SLC1A2: variants seen among roughly 807,000 people sequenced by gnomAD.
SLC1A2 encodes the protein excitatory amino acid transporter 2.
A neutral mutation model predicts 48.8 loss-of-function variants in SLC1A2; 15 were observed. That is an observed-to-expected ratio of 0.31 (90% CI 0.21 to 0.47). The LOEUF (loss-of-function observed/expected upper bound fraction) is 0.47, where lower values mean the gene tolerates loss of function less well. SLC1A2 is among the 20% of genes least tolerant of loss of function. SLC1A2 has a pLI of 0.99. For synonymous variants in SLC1A2, 279 were observed against 272.6 expected (o/e 1.02, Z -0.23); for missense variants, 502 against 730.5 (o/e 0.69, Z 3.61).
At position 35,255,575 on chromosome 11, in the gene SLC1A2, C is replaced by T. The variant is rs1950304175; in HGVS notation, c.*5319G>A. Reference sequence around the variant, plus strand: ...TCAAAAGAGTGATCAAGGTTATTCACCAAAGGCTCTCAAATTCCCATACTG... The same window carrying T: ...TCAAAAGAGTGATCAAGGTTATTCATCAAAGGCTCTCAAATTCCCATACTG... On this transcript the variant is annotated 3_prime_UTR_variant, in exon 11 of 11. Coordinates refer to ENST00000278379, the MANE Select transcript of SLC1A2 (RefSeq NM_004171.4). 2 of 152,194 alleles carry T rather than the reference C, an allele frequency of 1.3e-5. No homozygotes were observed. Among genetic ancestry groups the T allele is most frequent in the African/African-American group, 4.8e-5 (2 of 41,450 alleles). 9.4% of individuals were successfully genotyped at this position (152,194 alleles called of 1,614,324 possible).
intron 9 of SLC1A2, chr11:35,280,444 T>A (rs1732202740): frequency 6.5e-6 from 1 of 154,142 alleles, no homozygotes; most frequent in Non-Finnish European, 1.4e-5. Flanking sequence ...ATTACAGGCA[T>A]GAGCCACCGC....
chr11:35,354,387 G>A (rs970940434), intron 1 of SLC1A2, among the ~76,000 whole-genome samples: 1 of 152,124 alleles, frequency 6.6e-6, no homozygotes, highest in African/African-American at 2.4e-5. Flanking sequence ...TTGAAGCCTA[G>A]GAGTTCCAGG....
At chr11:35,324,514 A>G (rs1169642358) in intron 1 of SLC1A2, among the ~76,000 whole-genome samples, 1 of 152,218 alleles carries the variant, frequency 6.6e-6, no homozygotes, top group Admixed American at 6.5e-5. Flanking sequence ...GTAGATACTC[A>G]ATTTTAATAT....
At chr11:35,281,437 A>G (rs1850630916) in intron 8 of SLC1A2, among the ~76,000 whole-genome samples, 1 of 152,212 alleles carries the variant, frequency 6.6e-6, no homozygotes, top group Non-Finnish European at 1.5e-5. Flanking sequence ...CTATGTGGCA[A>G]GGGTCTAAGA....
Position 35,254,225 on chromosome 11 carries a change from G to GT in SLC1A2, c.*6668dup, listed in dbSNP as rs944076773. On this transcript the variant is annotated 3_prime_UTR_variant, in exon 11 of 11. Coordinates refer to ENST00000278379, the MANE Select transcript of SLC1A2 (RefSeq NM_004171.4). ...AATATACAAAATCCTCAAAAAAGTA[G>GT]TTTTTTTATATACAAATCTCTATAG... 2.3e-4 allele frequency: 35 copies of GT among 152,666 alleles called. No homozygotes were observed. Among genetic ancestry groups the GT allele is most frequent in the African/African-American group, 7.0e-4 (29 of 41,540 alleles). The allele number at this position is 152,666 out of a possible 1,614,324, so 9.5% of individuals were successfully genotyped here. A position where few individuals can be genotyped will look rare whatever the true frequency, so the allele number is the denominator to read the frequency against.
chr11:35,374,326 TG>T, intron 1 of SLC1A2: 1 of 1,031,050 alleles, frequency 9.7e-7, no homozygotes, highest in Admixed American at 1.8e-5. Flanking sequence ...TGGAAATGCC[TG>T]GACCCTGCCC....
intron 8 of SLC1A2, among the ~76,000 whole-genome samples, chr11:35,281,388 T>G (rs1850629168): frequency 6.6e-6 from 1 of 152,194 alleles, no homozygotes; most frequent in South Asian, 2.1e-4. Flanking sequence ...CATTTCTGCT[T>G]ACGCTTTTAT....
chr11:35,384,257 T>G (rs953691477), intron 1 of SLC1A2, among the ~76,000 whole-genome samples: 2 of 152,166 alleles, frequency 1.3e-5, no homozygotes, highest in Non-Finnish European at 2.9e-5. Flanking sequence ...GTCAGTGAGA[T>G]CTGGAAATGA....
At chr11:35,324,988 T>A (rs1852193524) in intron 1 of SLC1A2, among the ~76,000 whole-genome samples, 1 of 152,194 alleles carries the variant, frequency 6.6e-6, no homozygotes, top group Non-Finnish European at 1.5e-5. Context: ...CAGGAACATA[T>A]TGGCCAGCCT....
chr11:35,338,757 A>G (rs527803969), intron 1 of SLC1A2, among the ~76,000 whole-genome samples: 3 of 152,194 alleles, frequency 2.0e-5, no homozygotes, highest in Non-Finnish European at 4.4e-5. Context: ...TATATTCTCT[A>G]GTTCACTTAA....
intron 1 of SLC1A2, among the ~76,000 whole-genome samples, chr11:35,380,759 G>A (rs1365632598): frequency 1.3e-5 from 2 of 152,210 alleles, no homozygotes; most frequent in Non-Finnish European, 2.9e-5. Context: ...GTGTCTGCAC[G>A]GGCAGTGCCT....
intron 1 of SLC1A2, among the ~76,000 whole-genome samples, chr11:35,349,268 A>T (rs1372070173): frequency 6.6e-6 from 1 of 152,230 alleles, no homozygotes; most frequent in African/African-American, 2.4e-5. Context: ...AGGGAGAATC[A>T]CAAAAGAATC....
At chr11:35,314,093 G>A (rs778003552) in intron 3 of SLC1A2, among the ~76,000 whole-genome samples, 6 of 152,148 alleles carry the variant, frequency 3.9e-5, no homozygotes, top group Non-Finnish European at 7.4e-5. Flanking sequence ...ACCAGTATAA[G>A]CCCACAGAGG....
rs370388188 is a variant in SLC1A2, at chr11:35,321,176, A to G, written c.18-3660T>C. Among the ~76,000 whole-genome samples the G allele has an allele frequency of 2.6e-5, 4 of 152,310 alleles. No homozygotes were observed. The South Asian group carries it at 6.2e-4, about 24-fold the overall frequency. ...ATTGTGATAACTCACTCACTATCAC[A>G]AAAACAGCATGAGGGTAACTGCCCC... On this transcript the variant is annotated intron_variant, in intron 1 of 10. Transcript: ENST00000278379.
intron 1 of SLC1A2, among the ~76,000 whole-genome samples, chr11:35,414,365 C>T (rs1319325593): frequency 6.6e-6 from 1 of 152,166 alleles, no homozygotes; most frequent in Non-Finnish European, 1.5e-5. Context: ...GCCAACCAGA[C>T]AGATTTATAA....
chr11:35,277,931 C>T (rs965272782), intron 9 of SLC1A2, among the ~76,000 whole-genome samples: 8 of 152,178 alleles, frequency 5.3e-5, no homozygotes. Context: ...TCCTTTGTAT[C>T]CTTCATCCCC....
intron 7 of SLC1A2, among the ~76,000 whole-genome samples, chr11:35,289,438 A>C (rs1591433237): frequency 7.0e-6 from 1 of 142,090 alleles, no homozygotes; most frequent in South Asian, 2.1e-4. Flanking sequence ...TAAAGATTAA[A>C]ACCACTTTTT....
intron 1 of SLC1A2, among the ~76,000 whole-genome samples, chr11:35,385,757 T>A (rs564670847): frequency 6.6e-6 from 1 of 152,336 alleles, no homozygotes; most frequent in South Asian, 2.1e-4. Context: ...TATAATAGTA[T>A]TTTTTTCTTG....
intron 1 of SLC1A2, among the ~76,000 whole-genome samples, chr11:35,324,630 C>A (rs984710589): frequency 1.3e-5 from 2 of 152,082 alleles, no homozygotes; most frequent in African/African-American, 4.8e-5. Flanking sequence ...GGTGCTGGTG[C>A]TTTTTACAAA....
Sources: allele counts gnomAD v4.1 joint callset (sites outside exome capture counted in the v4.1 genomes callset), GRCh38; gene constraint gnomAD v4.1.1; transcripts MANE v1.5; gene names NCBI Gene and HGNC (gene_info 2026-07-23, HGNC 2026-07-21).